RALGPS2: variants seen among roughly 807,000 people sequenced by gnomAD.
The protein encoded by RALGPS2 is Ral GEF with PH domain and SH3 binding motif 2.
In RALGPS2, 43 loss-of-function variants were observed where a neutral mutation model predicts 86.8. That is an observed-to-expected ratio of 0.50 (90% CI 0.39 to 0.64). The LOEUF is 0.64. Among genes scored for constraint, RALGPS2 ranks in the 30% least tolerant of loss-of-function variants. The pLI, the probability that RALGPS2 is intolerant of heterozygous loss-of-function variation, is 0.00. For missense variants in RALGPS2, 536 were observed against 694.6 expected, an observed-to-expected ratio of 0.77 and a Z score of 2.57; for synonymous variants, 243 against 231.3, an observed-to-expected ratio of 1.05 and a Z score of -0.46.
rs566410562 is a variant in RALGPS2 at position 178,810,824 on chromosome 1, A to C, written c.298-491A>C. Among the ~76,000 whole-genome samples, 4 of 152,230 alleles carry C rather than the reference A, an allele frequency of 2.6e-5. No individual in the cohort carries two copies. The South Asian group carries it at 8.3e-4, about 32-fold the overall frequency. On this transcript the variant is annotated intron_variant, in intron 5 of 19. Coordinates refer to ENST00000367635, the MANE Select transcript of RALGPS2 (RefSeq NM_152663.5). ...TATATTCTGTATTTAGATTTGTATA[A>C]GTGAACCAACTTACAGTGCTTTGAC...
chr1:178,734,248 C>A (rs1248424604), intron 1 of RALGPS2, among the ~76,000 whole-genome samples: 4 of 152,166 alleles, frequency 2.6e-5, no homozygotes. Flanking sequence ...GATCCTCATA[C>A]ACTTGTGGGA....
In RALGPS2 at chr1:178,921,305, A is replaced by C. The variant is rs1036151890; in HGVS notation, c.*4946A>C. The C allele has an allele frequency of 2.0e-5, 3 of 151,996 alleles. No individual in the cohort carries two copies. Among genetic ancestry groups the C allele is most frequent in the African/African-American group, 7.2e-5 (3 of 41,408 alleles). 9.4% of individuals were successfully genotyped at this position (151,996 alleles called of 1,614,324 possible). A position where few individuals can be genotyped will look rare whatever the true frequency, so the allele number is the denominator to read the frequency against. ...TTAATAGAAAAGCAGAAACTTCATA[A>C]ATAATAGCTGTGCTTTAGATACCAG... On this transcript the variant is annotated 3_prime_UTR_variant, in exon 20 of 20. Transcript: ENST00000367635.
chr1:178,776,945 T>C (rs1653120738), intron 2 of RALGPS2, 124 bp downstream of exon 2: 1 of 725,546 alleles, frequency 1.4e-6, no homozygotes, highest in Non-Finnish European at 2.2e-6. Flanking sequence ...ATTTCCTTTT[T>C]TTTTAAATTT....
rs1338336622 is a variant in RALGPS2 at position 178,808,086 on chromosome 1, T to C, written c.255T>C (p.Ser85=). ...SCGWNKKEKY[S]SAPNAVAFTR... The stretch of plus-strand genomic sequence containing the variant: ...GATGGAATAAAAAAGAAAAATATAG[T>C]TCTGCACCAAATGCAGTTGCCTTCA... The change falls in exon 5 of 20, where the codon AGT becomes AGC. Residue 85 remains serine (S), a synonymous_variant. Transcript: ENST00000367635. The C allele has an allele frequency of 1.6e-5, 26 of 1,611,430 alleles. No individual in the cohort carries two copies. Among genetic ancestry groups the C allele is most frequent in the Non-Finnish European group, 2.1e-5 (25 of 1,178,144 alleles).
At chr1:178,761,707 C>T (rs999040034) in intron 1 of RALGPS2, among the ~76,000 whole-genome samples, 5 of 151,746 alleles carry the variant, frequency 3.3e-5, no homozygotes, top group East Asian at 2.0e-4. Flanking sequence ...ATTACAGGCA[C>T]GCACCATCAC....
intron 1 of RALGPS2, among the ~76,000 whole-genome samples, chr1:178,773,731 G>A (rs1018372613): frequency 1.7e-4 from 25 of 151,136 alleles, no homozygotes; most frequent in Non-Finnish European, 2.9e-5. Context: ...GGGAGATGGA[G>A]CTTGCAGTGA....
chr1:178,785,491 A>G lies in RALGPS2; in HGVS notation c.163-66A>G. 12 of 1,473,964 alleles carry G rather than the reference A, an allele frequency of 8.1e-6. No individual in the cohort carries two copies. The South Asian group carries it at 1.4e-4, about 17-fold the overall frequency. The allele number at this position is 1,473,964 out of a possible 1,614,324, so 91.3% of individuals were successfully genotyped here. A position where few individuals can be genotyped will look rare whatever the true frequency, so the allele number is the denominator to read the frequency against. ...TATTTTAGTATAGAATATAATTTTA[A>G]TTTAGGTTACATGTTATGGTATAGA... On this transcript the variant is annotated intron_variant, in intron 3 of 19. Coordinates refer to ENST00000367635, the MANE Select transcript of RALGPS2 (RefSeq NM_152663.5).
chr1:178,783,249 T>G (rs1653482194), intron 2 of RALGPS2, among the ~76,000 whole-genome samples: 1 of 152,018 alleles, frequency 6.6e-6, no homozygotes, highest in Non-Finnish European at 1.5e-5. Flanking sequence ...AGTAGACTGG[T>G]GACCAATAGA....
At chr1:178,744,855 A>G (rs1250823492) in intron 1 of RALGPS2, among the ~76,000 whole-genome samples, 1 of 151,518 alleles carries the variant, frequency 6.6e-6, no homozygotes, top group African/African-American at 2.4e-5. Flanking sequence ...AAAGGCATCC[A>G]GACTGGAAAG....
At chr1:178,898,343 G>A (rs547073064) in intron 17 of RALGPS2, among the ~76,000 whole-genome samples, 3 of 151,922 alleles carry the variant, frequency 2.0e-5, no homozygotes, top group African/African-American at 7.2e-5. Context: ...ACATGTTTTG[G>A]GGGAGAAAAA....
intron 8 of RALGPS2, chr1:178,864,982 C>T: frequency 1.4e-6 from 2 of 1,465,996 alleles, no homozygotes; most frequent in Non-Finnish European, 1.8e-6. Flanking sequence ...CCGGTGGTAT[C>T]TTGAAAGGGC....
At chr1:178,731,423 C>A (rs1650352861) in intron 1 of RALGPS2, among the ~76,000 whole-genome samples, 1 of 151,596 alleles carries the variant, frequency 6.6e-6, no homozygotes, top group African/African-American at 2.4e-5. Context: ...GCTGGGATTA[C>A]AAGCATGCGC....
intron 8 of RALGPS2, chr1:178,853,858 A>G (rs1191269345): frequency 1.9e-5 from 24 of 1,266,232 alleles, no homozygotes; most frequent in Non-Finnish European, 2.4e-5. Flanking sequence ...TTTTTAATCA[A>G]GATTTTTACC....
chr1:178,826,932 T>G (rs1356029692), intron 7 of RALGPS2, among the ~76,000 whole-genome samples: 2 of 152,198 alleles, frequency 1.3e-5, no homozygotes, highest in African/African-American at 4.8e-5. Flanking sequence ...CCCATGTTCA[T>G]GGATAGAACT....
At chr1:178,871,753 T>A (rs1658771547) in intron 8 of RALGPS2, among the ~76,000 whole-genome samples, 1 of 152,244 alleles carries the variant, frequency 6.6e-6, no homozygotes, top group Admixed American at 6.5e-5. Flanking sequence ...AAGGTCATTC[T>A]TGTTATTAAT....
At chr1:178,833,708 C>A (rs1313975230) in intron 8 of RALGPS2, among the ~76,000 whole-genome samples, 158 bp downstream of exon 8, 1 of 151,854 alleles carries the variant, frequency 6.6e-6, no homozygotes, top group Non-Finnish European at 1.5e-5. Flanking sequence ...TAGTTGTTAC[C>A]CTGTTACCTG....
intron 8 of RALGPS2, among the ~76,000 whole-genome samples, chr1:178,868,708 C>T (rs987236600): frequency 1.5e-4 from 23 of 152,102 alleles, no homozygotes; most frequent in Non-Finnish European, 1.9e-4. Flanking sequence ...TGCCTTGGCT[C>T]ATTGTGGTTC....
intron 8 of RALGPS2, among the ~76,000 whole-genome samples, chr1:178,874,014 C>T (rs1658886420): frequency 6.6e-6 from 1 of 151,946 alleles, no homozygotes; most frequent in African/African-American, 2.4e-5. Flanking sequence ...CCATACTAGA[C>T]ACTTTTCTAA....
chr1:178,866,995 G>A (rs1322602232), intron 8 of RALGPS2, among the ~76,000 whole-genome samples: 1 of 152,002 alleles, frequency 6.6e-6, no homozygotes, highest in Non-Finnish European at 1.5e-5. Flanking sequence ...GTCTATTACA[G>A]GCCACCTTTT....
Sources: gnomAD v4.1 joint callset for allele counts (sites outside exome capture counted in the v4.1 genomes callset) on GRCh38, gnomAD v4.1.1 for gene constraint, MANE v1.5 for transcripts, NCBI Gene and HGNC (gene_info 2026-07-23, HGNC 2026-07-21) for gene names.